PLIN3: variants seen among roughly 807,000 people sequenced by gnomAD.
PLIN3 encodes perilipin 3.
PLIN3 carries 30 observed loss-of-function variants against 35.9 expected under a neutral mutation model. The observed-to-expected ratio is 0.84, with a 90% CI of 0.62 to 1.13. The LOEUF is 1.13. PLIN3 is among the 50% of genes most tolerant of loss of function. PLIN3 has a pLI of 0.00. For synonymous variants in PLIN3, 261 were observed against 262.5 expected, an observed-to-expected ratio of 0.99 and a Z score of 0.06; for missense variants, 603 against 596.9, an observed-to-expected ratio of 1.01 and a Z score of -0.11.
At chr19:4,842,712 G>C (rs932400776) in intron 7 of PLIN3, among the ~76,000 whole-genome samples, 24 of 151,666 alleles carry the variant, frequency 1.6e-4, no homozygotes, top group African/African-American at 5.3e-4. Flanking sequence ...GAGTGCCCAC[G>C]TGAGAGAGAT....
chr19:4,839,295 A>G lies in PLIN3; in HGVS notation c.1202T>C (p.Leu401Pro), dbSNP rs2093625251. Residue 401 changes from leucine (L) to proline (P), a missense_variant, in exon 8 of 8, where the codon CTG becomes CCG. By Grantham distance (98) the Leu-to-Pro change is moderately conservative. Coordinates refer to ENST00000221957, the MANE Select transcript of PLIN3 (RefSeq NM_005817.5). ...RERVASAREA[L>P]DHMVEYVAQN... is the part of the protein sequence containing the mutation. ...GGCCACATATTCCACCATGTGGTCC[A>G]GGGCCTCGCGGGCGCTGGCGACACG... 6.2e-7 allele frequency: 1 copy of G among 1,614,076 alleles called. No individual in the cohort carries two copies. Among genetic ancestry groups the G allele is most frequent in the Non-Finnish European group, 8.5e-7 (1 of 1,180,008 alleles).
rs115793453 is a variant in PLIN3, at chr19:4,859,471, C to T, written c.348+119G>A. ...GTGGATTCGGGGTGGGGATGGGAAC[C>T]GACAGGAGAGGCAGCAGGGAGGATG... On this transcript the variant is annotated intron_variant, in intron 4 of 7. Transcript: ENST00000221957. The T allele has an allele frequency of 2.3e-3, 1,952 of 857,222 alleles. 25 individuals are homozygous for T. In the African/African-American group the frequency reaches 0.026, roughly 11 times the overall value. 53.1% of individuals were successfully genotyped at this position (857,222 alleles called of 1,614,324 possible).
In PLIN3 at chr19:4,839,546, G is replaced by A; in HGVS notation, c.961-10C>T. On this transcript the variant is annotated splice_polypyrimidine_tract_variant and intron_variant, in intron 7 of 7. Transcript: ENST00000221957. ...CCCGGGACTCGACCTGCTGAGAAGGGAGATGGGGACACCAATCAGGACCAT... is the reference window on the plus strand; with the variant it reads ...CCCGGGACTCGACCTGCTGAGAAGGAAGATGGGGACACCAATCAGGACCAT... 2.0e-6 allele frequency: 3 copies of A among 1,506,904 alleles called. No individual in the cohort carries two copies. The highest frequency in any genetic ancestry group is 2.7e-6 in the Non-Finnish European group (3 of 1,125,746). 93.3% of individuals were successfully genotyped at this position (1,506,904 alleles called of 1,614,324 possible). A position where few individuals can be genotyped will look rare whatever the true frequency, so the allele number is the denominator to read the frequency against.
intron 6 of PLIN3, 33 bp from the exon 7 acceptor site, chr19:4,844,826 G>A (rs1373109362): frequency 1.9e-6 from 3 of 1,564,192 alleles, no homozygotes; most frequent in East Asian, 2.3e-5. Context: ...GAGGGAAGGA[G>A]GCTCCCCTGG....
At chr19:4,845,377 G>C (rs1387594952) in intron 6 of PLIN3, among the ~76,000 whole-genome samples, 1 of 152,122 alleles carries the variant, frequency 6.6e-6, no homozygotes, top group Non-Finnish European at 1.5e-5. Context: ...AGTGAGCTGA[G>C]ATTGCGCCAC....
chr19:4,853,198 A>G (rs1339499064), intron 4 of PLIN3, among the ~76,000 whole-genome samples: 2 of 151,574 alleles, frequency 1.3e-5, no homozygotes, highest in Admixed American at 6.6e-5. Context: ...CGGTGGCACA[A>G]TCTCGGCTCA....
intron 6 of PLIN3, among the ~76,000 whole-genome samples, chr19:4,847,397 A>G (rs1348301388): frequency 1.3e-5 from 2 of 151,876 alleles, no homozygotes; most frequent in Non-Finnish European, 2.9e-5. Context: ...GTCTTGCTAT[A>G]TTGCCCAGGT....
At chr19:4,862,509 G>C (rs2146216355) in intron 1 of PLIN3, among the ~76,000 whole-genome samples, 1 of 152,162 alleles carries the variant, frequency 6.6e-6, no homozygotes, top group Admixed American at 6.6e-5. Context: ...GACTCCCAAA[G>C]TTCTGGGATT....
chr19:4,862,779 T>A (rs1012863408), intron 1 of PLIN3, among the ~76,000 whole-genome samples: 6 of 152,204 alleles, frequency 3.9e-5, no homozygotes, highest in Admixed American at 1.3e-4. Context: ...ACACCTGTGT[T>A]TCCACATGAG....
Position 4,847,688 on chromosome 19 carries a change from CA to C in PLIN3, c.834+2del. Reference sequence around the variant, plus strand: ...TCAGGGCCCCGACCCCCTGGAACCTCACCAGGCTTAGGACCTGCGACAGCTG... The same window carrying C: ...TCAGGGCCCCGACCCCCTGGAACCTCCCAGGCTTAGGACCTGCGACAGCTG... On this transcript the variant is annotated splice_donor_variant, in intron 6 of 7. Transcript: ENST00000221957. LOFTEE classifies it high-confidence loss of function. 6.3e-7 allele frequency: 1 copy of C among 1,592,824 alleles called. No individual in the cohort carries two copies. The highest frequency in any genetic ancestry group is 2.3e-5 in the East Asian group (1 of 43,872).
intron 6 of PLIN3, among the ~76,000 whole-genome samples, chr19:4,847,112 A>C (rs1483410714): frequency 2.0e-5 from 3 of 147,998 alleles, no homozygotes; most frequent in Non-Finnish European, 3.0e-5. Context: ...CTGGTCTTGA[A>C]CTCCTGACCT....
At chr19:4,841,166 C>G (rs749808417) in intron 7 of PLIN3, among the ~76,000 whole-genome samples, 2 of 151,428 alleles carry the variant, frequency 1.3e-5, no homozygotes, top group Non-Finnish European at 2.9e-5. Flanking sequence ...CGTCCACACA[C>G]AAAGACATGC....
chr19:4,851,574 G>A (rs1277571039), intron 5 of PLIN3, among the ~76,000 whole-genome samples: 1 of 152,110 alleles, frequency 6.6e-6, no homozygotes, highest in African/African-American at 2.4e-5. Context: ...GGGAACACCA[G>A]CATTGTTGTC....
At chr19:4,848,231 G>C (rs7250294) in intron 5 of PLIN3, among the ~76,000 whole-genome samples, 1 of 151,982 alleles carries the variant, frequency 6.6e-6, no homozygotes, top group African/African-American at 2.4e-5. Context: ...TGATTCATCC[G>C]AACTGGCCTC....
At chr19:4,847,561 G>C (rs1324758480) in intron 6 of PLIN3, 130 bp downstream of exon 6, 12 of 761,918 alleles carry the variant, frequency 1.6e-5, no homozygotes, top group East Asian at 1.1e-4. Context: ...ACCAGATACA[G>C]TGCCAGGAGC....
chr19:4,847,729 G>C lies in PLIN3; in HGVS notation c.796C>G (p.Gln266Glu), dbSNP rs1474110902. 20 of 1,610,584 alleles carry C rather than the reference G, an allele frequency of 1.2e-5. No homozygotes were observed. Among genetic ancestry groups the C allele is most frequent in the Non-Finnish European group, 1.7e-5 (20 of 1,178,876 alleles). Residue 266 changes from glutamine to glutamate, a missense_variant, in exon 6 of 8, where the codon CAG becomes GAG. By Grantham distance (29) the Gln-to-Glu change is conservative. Coordinates refer to ENST00000221957, the MANE Select transcript of PLIN3 (RefSeq NM_005817.5). ...GKLRATKQRA[Q>E]EALLQLSQVL... ...TGCGACAGCTGCAGCAGAGCCTCCT[G>C]TGCCCTCTGCTTGGTGGCTCGAAGC...
rs2030154889 is a variant in PLIN3, at chr19:4,847,803, G to A, written c.722C>T (p.Ser241Phe). The A allele has an allele frequency of 6.2e-7, 1 of 1,613,724 alleles. No homozygotes were observed. Among genetic ancestry groups the A allele is most frequent in the African/African-American group, 1.3e-5 (1 of 74,906 alleles). ...QEQSYFVRLGSLSERLRQHAY... is the reference protein window; with the variant it reads ...QEQSYFVRLGFLSERLRQHAY... ...GTGCTGCCGCAGCCTCTCCGACAGG[G>A]AGCCCAGACGTACGAAGTAGCTCTG... Residue 241 changes from serine to phenylalanine, a missense_variant, in exon 6 of 8, where the codon TCC (serine) becomes TTC (phenylalanine). Ser to Phe is a radical substitution (Grantham distance 155). Coordinates refer to ENST00000221957, the MANE Select transcript of PLIN3 (RefSeq NM_005817.5).
intron 5 of PLIN3, among the ~76,000 whole-genome samples, chr19:4,851,010 G>A (rs1202620554): frequency 6.6e-6 from 1 of 152,042 alleles, no homozygotes; most frequent in Non-Finnish European, 1.5e-5. Flanking sequence ...ATTAAATAAA[G>A]AAAAATTAGT....
chr19:4,858,855 C>T lies in PLIN3; in HGVS notation c.348+735G>A, dbSNP rs551821483. Among the ~76,000 whole-genome samples the T allele has an allele frequency of 8.9e-4, 135 of 151,968 alleles. 2 individuals carry two copies. The highest frequency in any genetic ancestry group is 1.7e-3 in the Non-Finnish European group (116 of 67,984). ...TAGCTGGGATTACAGGCACCCGCTA[C>T]CACACCCAGATAAATTTTGTATTTT... On this transcript the variant is annotated intron_variant, in intron 4 of 7. Coordinates refer to ENST00000221957, the MANE Select transcript of PLIN3 (RefSeq NM_005817.5).
Sources: allele counts gnomAD v4.1 joint callset (sites outside exome capture counted in the v4.1 genomes callset), GRCh38; gene constraint gnomAD v4.1.1; transcripts MANE v1.5; gene names NCBI Gene and HGNC (gene_info 2026-07-23, HGNC 2026-07-21).